SYT6: variants seen among roughly 807,000 people sequenced by gnomAD.
The protein encoded by SYT6 is synaptotagmin 6, also known as synaptotagmin-6.
Under a neutral mutation model 38.4 loss-of-function variants are expected in SYT6, and 24 were observed. The ratio of observed to expected loss-of-function variants is 0.62; its 90% CI spans 0.45 to 0.88. The LOEUF is 0.88. SYT6 is among the 40% of genes least tolerant of loss of function. SYT6 has a pLI of 0.00. For synonymous variants in SYT6, 265 were observed against 241.9 expected (o/e 1.10, Z -0.89); for missense variants, 611 against 621.0 (o/e 0.98, Z 0.17).
chr1:114,143,815 C>T (rs1679005804), intron 1 of SYT6, among the ~76,000 whole-genome samples: 1 of 151,812 alleles, frequency 6.6e-6, no homozygotes, highest in Non-Finnish European at 1.5e-5. Flanking sequence ...CTCCCCCACC[C>T]CCAGCCCACC....
intron 3 of SYT6, among the ~76,000 whole-genome samples, chr1:114,136,166 T>C (rs1253374784): frequency 1.3e-5 from 2 of 152,150 alleles, no homozygotes; most frequent in African/African-American, 2.4e-5. Context: ...TCCTGGGGTG[T>C]AAGCAGAGCC....
chr1:114,120,088 T>A lies in SYT6; in HGVS notation c.1072-16367A>T, dbSNP rs1009923627. 1.6e-4 allele frequency among the ~76,000 whole-genome samples: 22 copies of A among 137,460 alleles called. 1 individual carries two copies. The highest frequency in any genetic ancestry group is 4.4e-4 in the African/African-American group (16 of 36,482). 90.2% of individuals were successfully genotyped at this position (137,460 alleles called of 152,430 possible). Reference sequence around the variant, plus strand: ...TCTGTCTCAAAAAAAAAAAAAAAAATCTCTTTTAAAGATTCTCATGTATTT... The same window carrying A: ...TCTGTCTCAAAAAAAAAAAAAAAAAACTCTTTTAAAGATTCTCATGTATTT... On this transcript the variant is annotated intron_variant, in intron 3 of 7. Coordinates refer to ENST00000610222, the MANE Select transcript of SYT6 (RefSeq NM_001253772.2).
Position 114,111,511 on chromosome 1 carries a change from T to A in SYT6, c.1072-7790A>T, listed in dbSNP as rs138393788. ...CCAAGATCTTTCCCACCTTCATGAC[T>A]TCATCTTGTTCTTTCTACCACCTGA... On this transcript the variant is annotated intron_variant, in intron 3 of 7. Transcript: ENST00000610222. Among the ~76,000 whole-genome samples the A allele has an allele frequency of 3.9e-5, 6 of 152,156 alleles. No homozygotes were observed. In the South Asian group the frequency reaches 1.2e-3, roughly 32 times the overall value.
intron 1 of SYT6, among the ~76,000 whole-genome samples, chr1:114,144,340 C>T (rs1313330341): frequency 6.6e-6 from 1 of 152,186 alleles, no homozygotes; most frequent in Non-Finnish European, 1.5e-5. Flanking sequence ...TAAGAAATGA[C>T]CCCACAAGTA....
intron 3 of SYT6, among the ~76,000 whole-genome samples, chr1:114,117,382 A>C (rs907816612): frequency 2.0e-5 from 3 of 152,240 alleles, no homozygotes; most frequent in African/African-American, 7.2e-5. Context: ...AGGTGGTGGC[A>C]CTAAGCCCAC....
chr1:114,134,027 C>T (rs958975537), intron 3 of SYT6, among the ~76,000 whole-genome samples: 1 of 152,208 alleles, frequency 6.6e-6, no homozygotes, highest in Admixed American at 6.5e-5. Flanking sequence ...GGGCCGAATC[C>T]GACTCTCCTG....
rs1005097248 is a variant in SYT6 at position 114,090,949 on chromosome 1, C to T, written c.*1185G>A. 1 of 152,804 alleles carries T rather than the reference C, an allele frequency of 6.5e-6. No homozygotes were observed. Among genetic ancestry groups the T allele is most frequent in the African/African-American group, 2.4e-5 (1 of 41,410 alleles). The allele number at this position is 152,804 out of a possible 1,614,324, so 9.5% of individuals were successfully genotyped here. A position where few individuals can be genotyped will look rare whatever the true frequency, so the allele number is the denominator to read the frequency against. ...CTGAAGTACTTAGTAATTTATAGAA[C>T]TAAAGTTTAAGATGAATATTGTCAA... is the stretch of plus-strand genomic sequence containing the variant. On this transcript the variant is annotated 3_prime_UTR_variant, in exon 8 of 8. Coordinates refer to ENST00000610222, the MANE Select transcript of SYT6 (RefSeq NM_001253772.2).
chr1:114,108,460 T>A (rs953772381), intron 3 of SYT6, among the ~76,000 whole-genome samples: 5 of 152,184 alleles, frequency 3.3e-5, no homozygotes, highest in African/African-American at 1.2e-4. Flanking sequence ...CCCAGTTAGC[T>A]GTGAGACCTT....
chr1:114,096,992 G>T (rs966815706), intron 6 of SYT6, among the ~76,000 whole-genome samples: 2 of 152,170 alleles, frequency 1.3e-5, no homozygotes, highest in African/African-American at 4.8e-5. Context: ...AAGTCGGTGG[G>T]ATTCAGCGGA....
chr1:114,133,736 C>T (rs60269428), intron 3 of SYT6, among the ~76,000 whole-genome samples: 24,258 of 152,246 alleles, frequency 0.16, 2,022 homozygotes, highest in East Asian at 0.27. Context: ...CCTGCAGGCC[C>T]GGTTTGCTCT....
Position 114,097,860 on chromosome 1 carries a change from A to C in SYT6, c.1382T>G (p.Ile461Ser). The C allele has an allele frequency of 1.9e-6, 3 of 1,614,106 alleles. No individual in the cohort carries two copies. The highest frequency in any genetic ancestry group is 2.5e-6 in the Non-Finnish European group (3 of 1,180,008). Reference sequence around the variant, plus strand: ...GATCCCCACACGACAGACTCCTATGATCTCATTGTGGCCCACTCTGAGGGA... The same window carrying C: ...GATCCCCACACGACAGACTCCTATGCTCTCATTGTGGCCCACTCTGAGGGA... ...MDYDRVGHNEIIGVCRVGITA... is the reference protein window; with the variant it reads ...MDYDRVGHNESIGVCRVGITA... Residue 461 changes from isoleucine (I) to serine (S), a missense_variant, in exon 6 of 8, where the codon ATC (isoleucine) becomes AGC (serine). Ile to Ser is a moderately radical substitution (Grantham distance 142, BLOSUM62 -2). Transcript: ENST00000610222.
At chr1:114,110,004 A>G (rs1275624960) in intron 3 of SYT6, among the ~76,000 whole-genome samples, 2 of 152,208 alleles carry the variant, frequency 1.3e-5, no homozygotes, top group Non-Finnish European at 2.9e-5. Context: ...CAGCATGGTG[A>G]TGACAGGGGC....
intron 1 of SYT6, among the ~76,000 whole-genome samples, chr1:114,145,378 C>T (rs1302588946): frequency 2.0e-5 from 3 of 152,142 alleles, no homozygotes; most frequent in Non-Finnish European, 4.4e-5. Flanking sequence ...AATAGATTTC[C>T]CAGGTCACAC....
chr1:114,099,281 C>T lies in SYT6; in HGVS notation c.1193-16G>A, dbSNP rs373245305. The T allele has an allele frequency of 1.9e-6, 3 of 1,603,156 alleles. No homozygotes were observed. Among genetic ancestry groups the T allele is most frequent in the African/African-American group, 2.7e-5 (2 of 74,482 alleles). Reference sequence around the variant, plus strand: ...ACATAGGGATCTGTGCCAATGGGGACAGAGAAAAGGGAATGGAGTATGTTA... The same window carrying T: ...ACATAGGGATCTGTGCCAATGGGGATAGAGAAAAGGGAATGGAGTATGTTA... On this transcript the variant is annotated splice_polypyrimidine_tract_variant and intron_variant, in intron 4 of 7. Transcript: ENST00000610222.
intron 1 of SYT6, among the ~76,000 whole-genome samples, chr1:114,141,213 G>A (rs1227481685): frequency 2.6e-5 from 4 of 152,224 alleles, no homozygotes; most frequent in African/African-American, 9.6e-5. Flanking sequence ...GGCCAAAAGC[G>A]AGGCATTTTG....
At chr1:114,094,241 T>C (rs1461566249) in intron 6 of SYT6, among the ~76,000 whole-genome samples, 1 of 152,144 alleles carries the variant, frequency 6.6e-6, no homozygotes, top group Non-Finnish European at 1.5e-5. Flanking sequence ...GAAAGGCGAA[T>C]GATTCCAGGA....
At chr1:114,131,264 G>T (rs969113809) in intron 3 of SYT6, among the ~76,000 whole-genome samples, 3 of 152,138 alleles carry the variant, frequency 2.0e-5, no homozygotes, top group Non-Finnish European at 4.4e-5. Flanking sequence ...ACAAAGAAAA[G>T]AAACCCAATC....
chr1:114,126,763 G>A (rs115985325), intron 3 of SYT6, among the ~76,000 whole-genome samples: 4,328 of 152,334 alleles, frequency 0.028, 91 homozygotes, highest in Non-Finnish European at 0.042. Context: ...ACATTTGGCC[G>A]GGGGCAGGTT....
chr1:114,144,987 C>A (rs1429539043), intron 1 of SYT6, among the ~76,000 whole-genome samples: 2 of 152,112 alleles, frequency 1.3e-5, no homozygotes, highest in African/African-American at 4.8e-5. Context: ...GACATTAGAG[C>A]CTTTCCCTGG....
Sources: allele counts gnomAD v4.1 joint callset (sites outside exome capture counted in the v4.1 genomes callset), GRCh38; gene constraint gnomAD v4.1.1; transcripts MANE v1.5; gene names NCBI Gene and HGNC (gene_info 2026-07-23, HGNC 2026-07-21).